CAMTA1: variants seen among roughly 807,000 people sequenced by gnomAD.
CAMTA1 encodes the protein calmodulin binding transcription activator 1.
In CAMTA1, 27 loss-of-function variants were observed where a neutral mutation model predicts 170.9. That is an observed-to-expected ratio of 0.16 (90% CI 0.12 to 0.22). The LOEUF (loss-of-function observed/expected upper bound fraction) is 0.22, where lower values mean the gene tolerates loss of function less well. CAMTA1 is among the 10% of genes least tolerant of loss of function. CAMTA1 has a pLI of 1.00. For synonymous variants in CAMTA1, 833 were observed against 891.5 expected (o/e 0.93, Z 1.17); for missense variants, 1,619 against 2,217.2 (o/e 0.73, Z 5.42).
At chr1:7,366,787 G>T (rs1003577479) in intron 5 of CAMTA1, among the ~76,000 whole-genome samples, 9 of 152,244 alleles carry the variant, frequency 5.9e-5, no homozygotes, top group African/African-American at 1.4e-4. Context: ...CCGCCAGCTT[G>T]GTTGCTGGCT....
At chr1:7,232,786 G>A (rs542040992) in intron 4 of CAMTA1, among the ~76,000 whole-genome samples, 3 of 152,160 alleles carry the variant, frequency 2.0e-5, no homozygotes, top group Admixed American at 1.3e-4. Context: ...GCATTAAGAG[G>A]TTCCCCTACA....
intron 4 of CAMTA1, among the ~76,000 whole-genome samples, chr1:7,211,166 T>C (rs772206926): frequency 1.3e-5 from 2 of 152,238 alleles, no homozygotes; most frequent in African/African-American, 2.4e-5. Context: ...AAGTTGTAGA[T>C]GTCAGCACAC....
chr1:7,201,913 A>T (rs987158091), intron 4 of CAMTA1, among the ~76,000 whole-genome samples: 3 of 151,986 alleles, frequency 2.0e-5, no homozygotes, highest in Non-Finnish European at 2.9e-5. Flanking sequence ...TCTATTTTTT[A>T]TTTTGTTGTT....
rs553255178 is a variant in CAMTA1 at position 7,638,052 on chromosome 1, G to C, written c.511-2348G>C. Among the ~76,000 whole-genome samples, 18 of 152,270 alleles carry C rather than the reference G, an allele frequency of 1.2e-4. No homozygotes were observed. In the South Asian group the frequency reaches 3.7e-3, roughly 32 times the overall value. On this transcript the variant is annotated intron_variant, in intron 6 of 22. Coordinates refer to ENST00000303635, the MANE Select transcript of CAMTA1 (RefSeq NM_015215.4). ...AGTCTCCTTTCTTACATTGGTCATG[G>C]TGTGGTCTTGAGTCTTTATTTATTC... is the stretch of plus-strand genomic sequence containing the variant.
Position 7,333,368 on chromosome 1 carries a change from A to G in CAMTA1, c.438+83742A>G, listed in dbSNP as rs1464522220. The stretch of plus-strand genomic sequence containing the variant: ...GCAGGGGAGTCGGATCTGACACGGG[A>G]CCCCACGCTGCAGAGTGATGATCGC... On this transcript the variant is annotated intron_variant, in intron 5 of 22. Coordinates refer to ENST00000303635, the MANE Select transcript of CAMTA1 (RefSeq NM_015215.4). This position sits in a 1 kb window ranked among gnomAD's most constrained non-coding sequence, Gnocchi z 4.4. Among the ~76,000 whole-genome samples the G allele has an allele frequency of 6.6e-6, 1 of 152,052 alleles. No individual in the cohort carries two copies. Among genetic ancestry groups the G allele is most frequent in the Admixed American group, 6.5e-5 (1 of 15,274 alleles).
chr1:7,736,958 G>A lies in CAMTA1; in HGVS notation c.3291G>A (p.Leu1097=). 1 of 1,613,504 alleles carries A rather than the reference G, an allele frequency of 6.2e-7. No homozygotes were observed. The highest frequency in any genetic ancestry group is 8.5e-7 in the Non-Finnish European group (1 of 1,179,774). The change falls in exon 14 of 23, where the codon CTG becomes CTA. Residue 1097 remains leucine (L), a synonymous_variant. Coordinates refer to ENST00000303635, the MANE Select transcript of CAMTA1 (RefSeq NM_015215.4). The surrounding 1 kb of genome is among the most constrained non-coding windows in gnomAD (Gnocchi z 4.5). ...WRTKHADSID[L]ELEVDPLNVD... ...CAAAGCACGCGGATAGCATTGACCT[G>A]GAACTGGAAGTTGACCCCTTGAATG...
intron 3 of CAMTA1, among the ~76,000 whole-genome samples, chr1:7,074,847 T>C (rs918933253): frequency 1.3e-5 from 2 of 152,204 alleles, no homozygotes; most frequent in Admixed American, 6.5e-5. Flanking sequence ...AAGCCTTTCA[T>C]TGGGTGTGAG....
chr1:7,319,081 G>A (rs547170329), intron 5 of CAMTA1, among the ~76,000 whole-genome samples: 15 of 152,308 alleles, frequency 9.8e-5, no homozygotes, highest in East Asian at 3.9e-4. Flanking sequence ...GGAGTCCTCA[G>A]TCTAGGGGAG....
chr1:7,746,168 C>A, intron 18 of CAMTA1, 77 bp downstream of exon 18: 1 of 1,499,022 alleles, frequency 6.7e-7, no homozygotes, highest in Non-Finnish European at 9.1e-7. Flanking sequence ...ATCATGCGAA[C>A]AAAAACATTT....
intron 5 of CAMTA1, among the ~76,000 whole-genome samples, chr1:7,263,818 G>A (rs1029484809): frequency 6.6e-6 from 1 of 152,234 alleles, no homozygotes. Context: ...GAAGCCAACA[G>A]ATGTTAGTGA....
intron 4 of CAMTA1, among the ~76,000 whole-genome samples, chr1:7,100,997 A>C (rs1383642456): frequency 1.3e-5 from 2 of 152,054 alleles, no homozygotes; most frequent in Non-Finnish European, 2.9e-5. Flanking sequence ...GCCCAGGGTG[A>C]CCCTTGCCAG....
intron 2 of CAMTA1, among the ~76,000 whole-genome samples, chr1:6,823,724 T>C (rs1188965116): frequency 6.6e-6 from 1 of 152,208 alleles, no homozygotes; most frequent in Non-Finnish European, 1.5e-5. Context: ...TTAGAAAATA[T>C]TTTTTGTTCT....
intron 3 of CAMTA1, among the ~76,000 whole-genome samples, chr1:6,870,998 A>C (rs556172500): frequency 1.3e-5 from 2 of 152,228 alleles, no homozygotes; most frequent in African/African-American, 4.8e-5. Flanking sequence ...TCATGTTTCA[A>C]AACAAAACCA....
intron 5 of CAMTA1, among the ~76,000 whole-genome samples, chr1:7,349,357 C>G (rs1280329832): frequency 6.6e-6 from 1 of 152,206 alleles, no homozygotes. Context: ...GCACTCACCT[C>G]TAGCCGCTTT....
At chr1:7,373,970 C>T (rs185874317) in intron 5 of CAMTA1, among the ~76,000 whole-genome samples, 31 of 152,334 alleles carry the variant, frequency 2.0e-4, no homozygotes, top group African/African-American at 6.3e-4. Flanking sequence ...CAGGAGCGAC[C>T]GGCTGCTCTG....
intron 3 of CAMTA1, among the ~76,000 whole-genome samples, chr1:7,083,483 G>A (rs1368342539): frequency 6.6e-6 from 1 of 152,252 alleles, no homozygotes; most frequent in Non-Finnish European, 1.5e-5. Flanking sequence ...GGCTTGGCCA[G>A]CTGGGTGCTT....
rs780041428 is a variant in CAMTA1 at position 7,439,498 on chromosome 1, C to T, written c.439-28332C>T. Among the ~76,000 whole-genome samples the T allele has an allele frequency of 9.9e-5, 15 of 152,248 alleles. 1 individual carries two copies. The highest frequency in any genetic ancestry group is 3.9e-4 in the Admixed American group (6 of 15,306). On this transcript the variant is annotated intron_variant, in intron 5 of 22. Transcript: ENST00000303635. ...GCCACCTGATGCCTCCATGGAGGGT[C>T]GATTCACCTGCCTGAGTCTGTGTGG... is the stretch of plus-strand genomic sequence containing the variant.
At position 7,251,373 on chromosome 1, in the gene CAMTA1, T is replaced by TG. The variant is rs1666617545; in HGVS notation, c.438+1748dup. ...TTGGAGTTATTTGTGTGCTCATACTTGCAGGCAACAGTCTGTCCCCTCAGA... is the reference window on the plus strand; with the variant it reads ...TTGGAGTTATTTGTGTGCTCATACTTGGCAGGCAACAGTCTGTCCCCTCAGA... On this transcript the variant is annotated intron_variant, in intron 5 of 22. Transcript: ENST00000303635. This position sits in a 1 kb window ranked among gnomAD's most constrained non-coding sequence, Gnocchi z 5.1. 6.6e-6 allele frequency among the ~76,000 whole-genome samples: 1 copy of TG among 152,192 alleles called. No homozygotes were observed. Among genetic ancestry groups the TG allele is most frequent in the African/African-American group, 2.4e-5 (1 of 41,452 alleles).
At position 7,178,956 on chromosome 1, in the gene CAMTA1, G is replaced by C. The variant is rs973225858; in HGVS notation, c.303-70535G>C. 3.9e-5 allele frequency among the ~76,000 whole-genome samples: 6 copies of C among 152,192 alleles called. No homozygotes were observed. The East Asian group carries it at 1.2e-3, about 29-fold the overall frequency. On this transcript the variant is annotated intron_variant, in intron 4 of 22. Coordinates refer to ENST00000303635, the MANE Select transcript of CAMTA1 (RefSeq NM_015215.4). ...CAGTGGCCGTGGAGGAGCTGTCCAG[G>C]ATGCTGGCTGTGTGAACCAGGGAAC...
Sources: gnomAD v4.1 joint callset for allele counts (sites outside exome capture counted in the v4.1 genomes callset) on GRCh38, gnomAD v4.1.1 for gene constraint, Gnocchi (gnomAD v3.1) non-coding constraint, MANE v1.5 for transcripts, NCBI Gene and HGNC (gene_info 2026-07-23, HGNC 2026-07-21) for gene names.